The following PYHIN1 variants were observed in gnomAD, a reference collection of about 807,000 sequenced individuals.
The protein encoded by PYHIN1 is pyrin and HIN domain-containing protein 1.
Under a neutral mutation model 43.7 loss-of-function variants are expected in PYHIN1, and 32 were observed. The ratio of observed to expected loss-of-function variants is 0.73; its 90% CI spans 0.55 to 0.98. The LOEUF (loss-of-function observed/expected upper bound fraction) is 0.98. Ranked by LOEUF, PYHIN1 falls within the 50% of genes least tolerant of loss-of-function variation. PYHIN1 has a pLI of 0.00. For synonymous variants in PYHIN1, 205 were observed against 203.1 expected (o/e 1.01, Z -0.08); for missense variants, 588 against 589.5 (o/e 1.00, Z 0.03).
chr1:158,981,826 T>C (rs1935070), downstream of PYHIN1, among the ~76,000 whole-genome samples: 6,269 of 152,294 alleles, frequency 0.041, 353 homozygotes, highest in East Asian at 0.26. Flanking sequence ...GACTTTTTAA[T>C]AGCAGCTATT....
At chr1:158,948,278 C>A (rs1392693797) in intron 7 of PYHIN1, among the ~76,000 whole-genome samples, 2 of 152,186 alleles carry the variant, frequency 1.3e-5, no homozygotes, top group African/African-American at 2.4e-5. Flanking sequence ...CTTGCACACC[C>A]TTCCATATGG....
At chr1:158,989,415 T>C in the PYHIN1 span, among the ~76,000 whole-genome samples, 2,639 of 152,254 alleles carry the variant, frequency 0.017, 52 homozygotes, top group East Asian at 0.11. Flanking sequence ...TCACTTCTCA[T>C]ACCTAAAAAT....
intron 7 of PYHIN1, among the ~76,000 whole-genome samples, chr1:158,967,650 A>T (rs1196093519): frequency 6.6e-6 from 1 of 152,144 alleles, no homozygotes; most frequent in East Asian, 1.9e-4. Context: ...ATCCTAAGCA[A>T]AAAGAACAAA....
intron 7 of PYHIN1, among the ~76,000 whole-genome samples, chr1:158,963,218 G>T (rs72704943): frequency 0.11 from 16,848 of 152,164 alleles, 1,081 homozygotes; most frequent in Non-Finnish European, 0.12. Flanking sequence ...ACTGGGGAAG[G>T]AACTGCAGTT....
At chr1:158,981,631 T>C (rs985472691), downstream of PYHIN1, among the ~76,000 whole-genome samples, 1 of 152,174 alleles carries the variant, frequency 6.6e-6, no homozygotes, top group East Asian at 1.9e-4. Context: ...CTCCAAACTG[T>C]TTTCAACAGT....
At chr1:158,949,916 A>G (rs763216793) in intron 7 of PYHIN1, among the ~76,000 whole-genome samples, 13 of 152,224 alleles carry the variant, frequency 8.5e-5, no homozygotes, top group Admixed American at 2.0e-4. Flanking sequence ...TTCTTTTGCC[A>G]TGATGTAGCC....
chr1:158,938,160 G>A (rs1029701752), intron 2 of PYHIN1, among the ~76,000 whole-genome samples: 5 of 152,192 alleles, frequency 3.3e-5, no homozygotes, highest in Admixed American at 2.6e-4. Flanking sequence ...AGGACAGGAA[G>A]GATGTTCTCA....
At chr1:158,984,028 G>GTTTTTTTTTTTTTTTTTTTTTTTTTTTT in the PYHIN1 span, among the ~76,000 whole-genome samples, 1 of 111,208 alleles carries the variant, frequency 9.0e-6, no homozygotes, top group Admixed American at 9.5e-5. Context: ...ATCTTCTCCT[G>GTTTTTTTTTTTTTTTTTTTTTTTTTTTT]TTTTTTTTTT....
chr1:158,952,576 T>A (rs368344887), intron 7 of PYHIN1, among the ~76,000 whole-genome samples: 105 of 152,236 alleles, frequency 6.9e-4, no homozygotes, highest in African/African-American at 2.5e-3. Flanking sequence ...ATATTGGGGC[T>A]GAGGGAAGAG....
At chr1:158,932,541 C>G (rs982080627) in intron 1 of PYHIN1, among the ~76,000 whole-genome samples, 3 of 152,166 alleles carry the variant, frequency 2.0e-5, no homozygotes, top group South Asian at 4.2e-4. Flanking sequence ...TCTAGACATA[C>G]AGCTGTATTT....
chr1:158,938,245 T>C, intron 2 of PYHIN1, 152 bp from the exon 3 acceptor site: 1 of 771,942 alleles, frequency 1.3e-6, no homozygotes, highest in Non-Finnish European at 2.1e-6. Context: ...CCTGCTGGCC[T>C]CCTGGAAGCC....
chr1:158,980,702 T>C (rs1056565559), downstream of PYHIN1, among the ~76,000 whole-genome samples: 3 of 152,078 alleles, frequency 2.0e-5, no homozygotes, highest in Non-Finnish European at 4.4e-5. Flanking sequence ...TGTTCTGTTG[T>C]TTAAGATGTT....
chr1:158,955,430 A>G (rs1649856454), intron 7 of PYHIN1, among the ~76,000 whole-genome samples: 1 of 151,432 alleles, frequency 6.6e-6, no homozygotes, highest in Admixed American at 6.6e-5. Flanking sequence ...ATCAAACTAG[A>G]ACTCAGGATT....
intron 6 of PYHIN1, 98 bp from the exon 7 acceptor site, chr1:158,944,777 T>C: frequency 1.1e-6 from 1 of 895,014 alleles, no homozygotes; most frequent in Non-Finnish European, 1.6e-6. Context: ...TAATGACATC[T>C]ATTAGAATTT....
At chr1:158,956,264 T>A (rs1272453844) in intron 7 of PYHIN1, among the ~76,000 whole-genome samples, 2 of 151,982 alleles carry the variant, frequency 1.3e-5, no homozygotes, top group Admixed American at 1.3e-4. Context: ...GAGGTCAGCA[T>A]CATTCTGATA....
the PYHIN1 span, among the ~76,000 whole-genome samples, chr1:158,984,028 GT>G: frequency 0.36 from 39,922 of 110,416 alleles, 5,220 homozygotes; most frequent in Middle Eastern, 0.49. Context: ...ATCTTCTCCT[GT>G]TTTTTTTTTT....
At chr1:158,965,502 C>A (rs976029181) in intron 7 of PYHIN1, among the ~76,000 whole-genome samples, 2 of 152,238 alleles carry the variant, frequency 1.3e-5, no homozygotes, top group South Asian at 4.1e-4. Context: ...AGATATAAAA[C>A]AATCCTCAGC....
In PYHIN1 at chr1:158,933,064, G is replaced by A. The variant is rs1205132427; in HGVS notation, c.-21+1288G>A. On this transcript the variant is annotated intron_variant, in intron 1 of 8. Transcript: ENST00000368140. This position sits in a 1 kb window ranked among gnomAD's most constrained non-coding sequence, Gnocchi z 6.3. ...AATGTTTTTTTACCTTGTTCATTTA[G>A]TATTGGAAGATATAATATAGAACCT... Among the ~76,000 whole-genome samples the A allele has an allele frequency of 6.6e-6, 1 of 151,680 alleles. No homozygotes were observed. Among genetic ancestry groups the A allele is most frequent in the East Asian group, 1.9e-4 (1 of 5,188 alleles).
Position 158,943,975 on chromosome 1 carries a change from C to T in PYHIN1, c.1188C>T (p.Ile396=). Residue 396 remains isoleucine (I), a synonymous_variant, in exon 6 of 9, where the codon ATC becomes ATT. Coordinates refer to ENST00000368140, the MANE Select transcript of PYHIN1 (RefSeq NM_152501.5). The part of the protein sequence containing the change: ...SKLMSEMHSF[I]QIQKNTNQRS... ...TGATGTCAGAAATGCATAGTTTCAT[C>T]CAGGTGAGAAATAAAGAAACAAATA... The T allele has an allele frequency of 4.4e-6, 7 of 1,583,052 alleles. No homozygotes were observed. Among genetic ancestry groups the T allele is most frequent in the Non-Finnish European group, 5.2e-6 (6 of 1,160,146 alleles).
Sources: gnomAD v4.1 joint callset for allele counts (sites outside exome capture counted in the v4.1 genomes callset) on GRCh38, gnomAD v4.1.1 for gene constraint, Gnocchi (gnomAD v3.1) non-coding constraint, MANE v1.5 for transcripts, NCBI Gene and HGNC (gene_info 2026-07-23, HGNC 2026-07-21) for gene names.